The following EXOC6B variants were observed in gnomAD, a reference collection of about 807,000 sequenced individuals.
The protein encoded by EXOC6B is exocyst complex component 6B, also known as SEC15 homolog B.
Under a neutral mutation model 113.5 loss-of-function variants are expected in EXOC6B, and 54 were observed. The observed-to-expected ratio is 0.48, with a 90% confidence interval of 0.38 to 0.60. The LOEUF (loss-of-function observed/expected upper bound fraction) is 0.60. Among genes scored for constraint, EXOC6B ranks in the 20% least tolerant of loss-of-function variants. EXOC6B has a pLI of 0.00. For missense variants in EXOC6B, 797 were observed against 977.5 expected (o/e 0.82, Z 2.46); for synonymous variants, 357 against 339.0 (o/e 1.05, Z -0.58).
intron 8 of EXOC6B, among the ~76,000 whole-genome samples, chr2:72,547,282 A>G (rs1702962612): frequency 6.6e-6 from 1 of 152,248 alleles, no homozygotes; most frequent in Non-Finnish European, 1.5e-5. Flanking sequence ...TATGATTCAT[A>G]TAATACTGGG....
At chr2:72,493,319 T>TTCCC (rs1699850673) in intron 15 of EXOC6B, among the ~76,000 whole-genome samples, 15 of 114,916 alleles carry the variant, frequency 1.3e-4, no homozygotes, top group Non-Finnish European at 2.0e-4. Flanking sequence ...TCTGTTTTTC[T>TTCCC]CCCCCCCCCC....
At chr2:72,649,570 T>A (rs1253056611) in intron 6 of EXOC6B, among the ~76,000 whole-genome samples, 1 of 152,042 alleles carries the variant, frequency 6.6e-6, no homozygotes, top group Non-Finnish European at 1.5e-5. Flanking sequence ...ATTAAATTTT[T>A]AAAAACTAAA....
At chr2:72,737,593 C>T (rs186245831) in intron 2 of EXOC6B, among the ~76,000 whole-genome samples, 108 of 152,200 alleles carry the variant, frequency 7.1e-4, no homozygotes, top group African/African-American at 2.6e-3. Context: ...GTGGCTCAGA[C>T]CTGTAATCCC....
chr2:72,285,389 A>T (rs1685364876), intron 20 of EXOC6B, among the ~76,000 whole-genome samples: 1 of 152,080 alleles, frequency 6.6e-6, no homozygotes, highest in African/African-American at 2.4e-5. Flanking sequence ...TGGAACAAAG[A>T]TGTTCTTTTC....
chr2:72,195,864 GA>G (rs2104305375), intron 20 of EXOC6B, among the ~76,000 whole-genome samples: 1 of 152,226 alleles, frequency 6.6e-6, no homozygotes, highest in Non-Finnish European at 1.5e-5. Context: ...TCATTATTAT[GA>G]AAAATGAAAT....
intron 1 of EXOC6B, among the ~76,000 whole-genome samples, chr2:72,795,824 T>C (rs1487659871): frequency 1.3e-5 from 2 of 152,126 alleles, no homozygotes; most frequent in Middle Eastern, 3.4e-3. Context: ...GTGTTTTTTG[T>C]TTGTGTGTGT....
intron 20 of EXOC6B, among the ~76,000 whole-genome samples, chr2:72,197,281 A>C (rs1239253084): frequency 6.6e-6 from 1 of 152,192 alleles, no homozygotes; most frequent in Non-Finnish European, 1.5e-5. Context: ...GGCCAAAAGG[A>C]ACATATGCAG....
chr2:72,388,082 G>A (rs763246327), intron 18 of EXOC6B, among the ~76,000 whole-genome samples: 18 of 152,076 alleles, frequency 1.2e-4, no homozygotes, highest in East Asian at 7.7e-4. Context: ...GGGGAGAAAC[G>A]CTACTGGCAT....
intron 10 of EXOC6B, 27 bp downstream of exon 10, chr2:72,514,607 T>A (rs1701117871): frequency 7.1e-6 from 2 of 281,208 alleles, no homozygotes; most frequent in Non-Finnish European, 1.3e-5. Flanking sequence ...AATAAATAAA[T>A]ATATATATAT....
chr2:72,716,815 A>G (rs866538497), intron 6 of EXOC6B, among the ~76,000 whole-genome samples: 1 of 152,076 alleles, frequency 6.6e-6, no homozygotes, highest in Admixed American at 6.6e-5. Context: ...TTCTTTCATC[A>G]AAAGGGAAGT....
chr2:72,541,715 C>G (rs1212038150), intron 8 of EXOC6B, among the ~76,000 whole-genome samples: 4 of 152,088 alleles, frequency 2.6e-5, no homozygotes, highest in Non-Finnish European at 5.9e-5. Context: ...GGTGAGGAGG[C>G]AGGTGTAGGT....
intron 5 of EXOC6B, among the ~76,000 whole-genome samples, chr2:72,720,202 CAAAA>C (rs915867453): frequency 6.6e-6 from 1 of 151,246 alleles, no homozygotes; most frequent in Non-Finnish European, 1.5e-5. Flanking sequence ...ATATATAACA[CAAAA>C]GAAAGCAGTA....
At chr2:72,281,345 T>C (rs1685116082) in intron 20 of EXOC6B, among the ~76,000 whole-genome samples, 1 of 152,186 alleles carries the variant, frequency 6.6e-6, no homozygotes, top group South Asian at 2.1e-4. Context: ...ATCAGACTTA[T>C]CAAGAACAGA....
intron 18 of EXOC6B, among the ~76,000 whole-genome samples, chr2:72,406,611 C>T (rs918980494): frequency 2.0e-5 from 3 of 152,068 alleles, no homozygotes; most frequent in Non-Finnish European, 4.4e-5. Flanking sequence ...CTACTGGGTA[C>T]ATAACGAAAT....
intron 11 of EXOC6B, among the ~76,000 whole-genome samples, chr2:72,508,243 A>C: frequency 6.6e-6 from 1 of 151,856 alleles, no homozygotes; most frequent in South Asian, 2.1e-4. Flanking sequence ...AAAAGACATG[A>C]AAGGCAAATA....
chr2:72,325,657 G>C (rs1375473268), intron 20 of EXOC6B, among the ~76,000 whole-genome samples: 2 of 151,820 alleles, frequency 1.3e-5, no homozygotes, highest in Non-Finnish European at 2.9e-5. Context: ...AAACTCTCGA[G>C]GGAAGAACCC....
At chr2:72,402,122 C>G (rs1279818404) in intron 18 of EXOC6B, among the ~76,000 whole-genome samples, 3 of 152,034 alleles carry the variant, frequency 2.0e-5, no homozygotes, top group African/African-American at 7.2e-5. Flanking sequence ...CTGAAACCAT[C>G]TAGTCTTGGA....
intron 19 of EXOC6B, among the ~76,000 whole-genome samples, chr2:72,368,494 A>C (rs1458430712): frequency 6.6e-6 from 1 of 152,148 alleles, no homozygotes; most frequent in African/African-American, 2.4e-5. Context: ...AAAAGAGGGA[A>C]TCCTCCCTAA....
At chr2:72,658,789 G>A (rs1674797158) in intron 6 of EXOC6B, among the ~76,000 whole-genome samples, 1 of 151,910 alleles carries the variant, frequency 6.6e-6, no homozygotes, top group Non-Finnish European at 1.5e-5. Context: ...TCCATAATCA[G>A]GAGTTACTTT....
Sources: gnomAD v4.1 joint callset for allele counts (sites outside exome capture counted in the v4.1 genomes callset) on GRCh38, gnomAD v4.1.1 for gene constraint, MANE v1.5 for transcripts, NCBI Gene and HGNC (gene_info 2026-07-23, HGNC 2026-07-21) for gene names.